NCAM2: variants seen among roughly 807,000 people sequenced by gnomAD.
The protein encoded by NCAM2 is neural cell adhesion molecule 2.
In NCAM2, 30 loss-of-function variants were observed where a neutral mutation model predicts 98.1. The ratio of observed to expected loss-of-function variants is 0.31; its 90% CI spans 0.23 to 0.41. The LOEUF (loss-of-function observed/expected upper bound fraction) is 0.41, where lower values mean the gene tolerates loss of function less well. NCAM2 is among the 10% of genes least tolerant of loss of function. The probability of loss-of-function intolerance (pLI) is 1.00; values close to 1 mark genes in which losing one functional copy is unlikely to be tolerated. For missense variants in NCAM2, 867 were observed against 1,005.8 expected, an observed-to-expected ratio of 0.86 and a Z score of 1.87; for synonymous variants, 368 against 342.4, an observed-to-expected ratio of 1.07 and a Z score of -0.83.
intron 11 of NCAM2, among the ~76,000 whole-genome samples, chr21:21,429,988 G>A (rs1035771881): frequency 6.6e-6 from 1 of 151,982 alleles, no homozygotes; most frequent in Non-Finnish European, 1.5e-5. Flanking sequence ...CTAGCAAAAA[G>A]AGTACATTTG....
intron 16 of NCAM2, among the ~76,000 whole-genome samples, chr21:21,523,890 G>T (rs1438276368): frequency 7.2e-6 from 1 of 138,362 alleles, no homozygotes; most frequent in Non-Finnish European, 1.5e-5. Flanking sequence ...AAGAATAAGG[G>T]CAACAAATAA....
intron 15 of NCAM2, among the ~76,000 whole-genome samples, chr21:21,484,566 A>C (rs149287370): frequency 0.01 from 1,587 of 152,220 alleles, 11 homozygotes; most frequent in Middle Eastern, 0.017. Context: ...TTTTAATGTC[A>C]TTGTTATATC....
At chr21:21,396,462 A>G (rs2076509107) in intron 9 of NCAM2, among the ~76,000 whole-genome samples, 1 of 152,200 alleles carries the variant, frequency 6.6e-6, no homozygotes, top group Non-Finnish European at 1.5e-5. Context: ...TTTGCCAGCC[A>G]GAAACTTCTG....
intron 1 of NCAM2, among the ~76,000 whole-genome samples, chr21:21,272,463 A>T (rs1399917619): frequency 6.6e-6 from 1 of 151,246 alleles, no homozygotes; most frequent in Non-Finnish European, 1.5e-5. Flanking sequence ...CTACACACAT[A>T]TACCAGAAAA....
At chr21:21,430,383 A>G (rs548182389) in intron 11 of NCAM2, among the ~76,000 whole-genome samples, 1 of 95,602 alleles carries the variant, frequency 1.0e-5, no homozygotes, top group Non-Finnish European at 2.5e-5. Context: ...CTGCATATTT[A>G]TCAGTCAAGT....
intron 15 of NCAM2, among the ~76,000 whole-genome samples, chr21:21,488,839 G>A (rs576598381): frequency 2.0e-5 from 3 of 151,808 alleles, no homozygotes; most frequent in Non-Finnish European, 4.4e-5. Flanking sequence ...ACTGAATAAA[G>A]ATAAACTATA....
chr21:21,242,618 C>G (rs1030419467), intron 1 of NCAM2, among the ~76,000 whole-genome samples: 1 of 152,146 alleles, frequency 6.6e-6, no homozygotes, highest in Admixed American at 6.5e-5. Flanking sequence ...GGCTTATTAG[C>G]ATTATGGCCT....
intron 16 of NCAM2, among the ~76,000 whole-genome samples, chr21:21,531,272 T>C (rs940284273): frequency 1.3e-5 from 2 of 152,270 alleles, no homozygotes; most frequent in African/African-American, 2.4e-5. Flanking sequence ...ATTTCATAAA[T>C]TTTTTTCAGT....
intron 4 of NCAM2, among the ~76,000 whole-genome samples, chr21:21,289,804 A>T (rs905637570): frequency 6.6e-6 from 1 of 151,990 alleles, no homozygotes; most frequent in African/African-American, 2.4e-5. Context: ...GATTTAATCA[A>T]TGCAGTGACA....
intron 16 of NCAM2, among the ~76,000 whole-genome samples, chr21:21,512,407 G>A (rs1988445527): frequency 6.6e-6 from 1 of 151,884 alleles, no homozygotes; most frequent in Admixed American, 6.6e-5. Flanking sequence ...AAATGCATGG[G>A]TTTATGTCTG....
chr21:21,235,216 T>A (rs2070772480), intron 1 of NCAM2, among the ~76,000 whole-genome samples: 1 of 151,998 alleles, frequency 6.6e-6, no homozygotes, highest in African/African-American at 2.4e-5. Flanking sequence ...AAGCTTCATA[T>A]CTTTGCTTTT....
At chr21:21,337,409 A>G (rs1488346918) in intron 7 of NCAM2, among the ~76,000 whole-genome samples, 1 of 152,118 alleles carries the variant, frequency 6.6e-6, no homozygotes, top group Admixed American at 6.6e-5. Context: ...ATATAACTAA[A>G]TCTATTAAAG....
At chr21:21,150,802 G>A (rs2067424416) in intron 1 of NCAM2, among the ~76,000 whole-genome samples, 1 of 151,696 alleles carries the variant, frequency 6.6e-6, no homozygotes, top group Non-Finnish European at 1.5e-5. Context: ...TAAAGATAAT[G>A]ATATTTTTAT....
chr21:21,067,988 C>A (rs1204906789), intron 1 of NCAM2, among the ~76,000 whole-genome samples: 1 of 151,982 alleles, frequency 6.6e-6, no homozygotes, highest in African/African-American at 2.4e-5. Flanking sequence ...ATTTTTAAAG[C>A]TCAGTTTCTT....
chr21:21,461,866 A>G (rs1475386187), intron 12 of NCAM2, among the ~76,000 whole-genome samples: 3 of 152,044 alleles, frequency 2.0e-5, no homozygotes, highest in Non-Finnish European at 4.4e-5. Context: ...AGGCAATTTC[A>G]TTAATAATGG....
At chr21:21,517,675 T>C (rs765172613) in intron 16 of NCAM2, among the ~76,000 whole-genome samples, 1 of 151,968 alleles carries the variant, frequency 6.6e-6, no homozygotes, top group Non-Finnish European at 1.5e-5. Context: ...CTGGCCAACA[T>C]AGCTAAACCC....
chr21:21,537,160 A>T (rs974202016), intron 17 of NCAM2, among the ~76,000 whole-genome samples: 8 of 152,104 alleles, frequency 5.3e-5, no homozygotes, highest in Non-Finnish European at 1.2e-4. Context: ...GTGCAGTGGC[A>T]TGATCTCAGC....
chr21:21,234,566 G>A (rs973768358), intron 1 of NCAM2, among the ~76,000 whole-genome samples: 1 of 151,906 alleles, frequency 6.6e-6, no homozygotes, highest in Non-Finnish European at 1.5e-5. Flanking sequence ...GTGTTAAAGT[G>A]CTCAGAGAAT....
intron 1 of NCAM2, among the ~76,000 whole-genome samples, chr21:21,040,930 T>C (rs997442722): frequency 6.6e-6 from 1 of 152,144 alleles, no homozygotes; most frequent in Non-Finnish European, 1.5e-5. Context: ...ATTTTGAATA[T>C]TCCAAATAAA....
Sources: allele counts gnomAD v4.1 joint callset (sites outside exome capture counted in the v4.1 genomes callset), GRCh38; gene constraint gnomAD v4.1.1; transcripts MANE v1.5; gene names NCBI Gene and HGNC (gene_info 2026-07-23, HGNC 2026-07-21).